The following MDGA2 variants were observed in gnomAD, a reference collection of about 807,000 sequenced individuals.
The protein encoded by MDGA2 is MAM domain containing glycosylphosphatidylinositol anchor 2.
MDGA2 carries 40 observed loss-of-function variants against 117.8 expected under a neutral mutation model. That is an observed-to-expected ratio of 0.34 (90% CI 0.26 to 0.44). MDGA2 has a LOEUF of 0.44. Ranked by LOEUF, MDGA2 falls within the 20% of genes least tolerant of loss-of-function variation. MDGA2 has a pLI of 1.00. For synonymous variants in MDGA2, 452 were observed against 439.0 expected (o/e 1.03, Z -0.37); for missense variants, 1,123 against 1,250.6 (o/e 0.90, Z 1.54).
At chr14:46,990,869 CACACA>C (rs1566562822) in intron 8 of MDGA2, among the ~76,000 whole-genome samples, 1 of 58,792 alleles carries the variant, frequency 1.7e-5, no homozygotes, top group Non-Finnish European at 3.3e-5. Flanking sequence ...CACACACCCA[CACACA>C]CACACACACA....
chr14:47,672,582 T>C (rs1898094761), intron 1 of MDGA2, among the ~76,000 whole-genome samples: 1 of 152,092 alleles, frequency 6.6e-6, no homozygotes, highest in Admixed American at 6.5e-5. Context: ...TCCCCAACCT[T>C]TCTCACTTCT....
At chr14:46,854,917 T>A in intron 15 of MDGA2, 107 bp downstream of exon 15, 1 of 1,031,558 alleles carries the variant, frequency 9.7e-7, no homozygotes, top group South Asian at 2.0e-5. Flanking sequence ...TTTGTGATGC[T>A]TATATCGTGG....
intron 7 of MDGA2, among the ~76,000 whole-genome samples, chr14:47,048,772 C>A (rs780292528): frequency 2.6e-5 from 4 of 151,964 alleles, no homozygotes; most frequent in South Asian, 4.1e-4. Flanking sequence ...TTAACAGATC[C>A]GTTAATAGAT....
intron 1 of MDGA2, among the ~76,000 whole-genome samples, chr14:47,649,600 G>A (rs1385245512): frequency 5.9e-5 from 9 of 152,060 alleles, no homozygotes; most frequent in South Asian, 2.1e-4. Context: ...CACAAAAATC[G>A]CTTGAACCTG....
intron 1 of MDGA2, among the ~76,000 whole-genome samples, chr14:47,361,207 C>CTCTCTCTATATA (rs61280975): frequency 2.1e-5 from 3 of 140,548 alleles, no homozygotes; most frequent in Non-Finnish European, 3.0e-5. Flanking sequence ...CTCTCTCTCT[C>CTCTCTCTATATA]TATATATATA....
chr14:47,214,247 C>T (rs1317752314), intron 3 of MDGA2, among the ~76,000 whole-genome samples: 1 of 152,032 alleles, frequency 6.6e-6, no homozygotes, highest in Admixed American at 6.6e-5. Context: ...ACAACAACAA[C>T]AAAAATTGTA....
At chr14:47,017,562 T>C (rs1211598747) in intron 8 of MDGA2, among the ~76,000 whole-genome samples, 1 of 151,812 alleles carries the variant, frequency 6.6e-6, no homozygotes, top group Non-Finnish European at 1.5e-5. Flanking sequence ...GGAACATTTA[T>C]ATAAATATAC....
chr14:47,574,519 T>G (rs1163353733), intron 1 of MDGA2, among the ~76,000 whole-genome samples: 1 of 152,184 alleles, frequency 6.6e-6, no homozygotes, highest in East Asian at 1.9e-4. Flanking sequence ...TTCATATTCT[T>G]AACTATGAAT....
At chr14:47,328,836 A>G (rs2139903016) in intron 1 of MDGA2, among the ~76,000 whole-genome samples, 1 of 152,260 alleles carries the variant, frequency 6.6e-6, no homozygotes, top group Admixed American at 6.6e-5. Flanking sequence ...CTGCTGCCCA[A>G]TAAGCCAATT....
At chr14:46,846,865 A>G (rs1276780501) in intron 15 of MDGA2, among the ~76,000 whole-genome samples, 2 of 152,084 alleles carry the variant, frequency 1.3e-5, no homozygotes, top group Non-Finnish European at 2.9e-5. Flanking sequence ...TCTAACATCA[A>G]TCTGGTAATG....
intron 3 of MDGA2, among the ~76,000 whole-genome samples, chr14:47,178,833 T>C (rs1208720875): frequency 6.6e-6 from 1 of 152,144 alleles, no homozygotes; most frequent in East Asian, 1.9e-4. Flanking sequence ...AAGGATACTT[T>C]ACCTGAGTTT....
At chr14:47,386,038 T>TG (rs1235541859) in intron 1 of MDGA2, among the ~76,000 whole-genome samples, 5 of 152,112 alleles carry the variant, frequency 3.3e-5, no homozygotes, top group Admixed American at 2.6e-4. Flanking sequence ...CCCAGCACTT[T>TG]GGGGGGCTGA....
intron 9 of MDGA2, among the ~76,000 whole-genome samples, chr14:46,950,194 ATACT>A (rs1237944331): frequency 6.6e-6 from 1 of 151,920 alleles, no homozygotes; most frequent in Non-Finnish European, 1.5e-5. Flanking sequence ...TCATTAAGTG[ATACT>A]TACATTTTTA....
intron 4 of MDGA2, among the ~76,000 whole-genome samples, chr14:47,132,974 T>C (rs1882277091): frequency 6.6e-6 from 1 of 151,794 alleles, no homozygotes; most frequent in African/African-American, 2.4e-5. Flanking sequence ...TACCCAGACA[T>C]AGGCACACAG....
chr14:46,988,719 A>C (rs1886961277), intron 8 of MDGA2, among the ~76,000 whole-genome samples: 1 of 152,052 alleles, frequency 6.6e-6, no homozygotes, highest in Non-Finnish European at 1.5e-5. Flanking sequence ...TCTTAGGGAG[A>C]TGTCATTTAT....
intron 8 of MDGA2, among the ~76,000 whole-genome samples, chr14:47,031,698 T>G (rs902853354): frequency 1.4e-4 from 22 of 152,200 alleles, no homozygotes; most frequent in African/African-American, 5.3e-4. Context: ...GTGGGATTTC[T>G]CATGAATGGG....
At chr14:47,349,749 C>G (rs1216835651) in intron 1 of MDGA2, among the ~76,000 whole-genome samples, 1 of 152,204 alleles carries the variant, frequency 6.6e-6, no homozygotes, top group Non-Finnish European at 1.5e-5. Context: ...ATACTAGAGT[C>G]AGTCCTTTCT....
At chr14:47,200,812 C>T (rs147136238) in intron 3 of MDGA2, 1 of 802,752 alleles carries the variant, frequency 1.2e-6, no homozygotes, top group Non-Finnish European at 2.2e-6. Context: ...AACGCACGAC[C>T]TTCAGGGCAG....
chr14:46,969,521 T>C (rs996627702), intron 8 of MDGA2, among the ~76,000 whole-genome samples: 6 of 152,244 alleles, frequency 3.9e-5, no homozygotes, highest in Non-Finnish European at 5.9e-5. Flanking sequence ...CATTGTTTCA[T>C]GTGTCTGTTG....
Sources: gnomAD v4.1 joint callset for allele counts (sites outside exome capture counted in the v4.1 genomes callset) on GRCh38, gnomAD v4.1.1 for gene constraint, MANE v1.5 for transcripts, NCBI Gene and HGNC (gene_info 2026-07-23, HGNC 2026-07-21) for gene names.